Variants in TMED3 observed in about 807,000 individuals in gnomAD.
The protein encoded by TMED3 is transmembrane emp24 domain-containing protein 3.
TMED3 carries 9 observed loss-of-function variants against 15.0 expected under a neutral mutation model. The ratio of observed to expected loss-of-function variants is 0.60; its 90% confidence interval spans 0.36 to 1.04. TMED3 has a LOEUF of 1.04. TMED3 is among the 50% of genes least tolerant of loss of function. TMED3 has a pLI of 0.01. For missense variants in TMED3, 267 were observed against 278.9 expected, an observed-to-expected ratio of 0.96 and a Z score of 0.30; for synonymous variants, 117 against 121.4, an observed-to-expected ratio of 0.96 and a Z score of 0.24.
In TMED3 at chr15:79,380,801, A is replaced by G. The variant is rs531158362; in HGVS notation, c.418-30599A>G. On this transcript the variant is annotated intron_variant, in intron 2 of 2. Coordinates refer to the TMED3 transcript ENST00000424155. The stretch of plus-strand genomic sequence containing the variant: ...CGATGTCTCACTTAGCCTCACAGAA[A>G]TATCTCCCAGACCTGCAGACACAGA... 2.9e-3 allele frequency among the ~76,000 whole-genome samples: 447 copies of G among 152,168 alleles called. 2 individuals are homozygous for G. Among genetic ancestry groups the G allele is most frequent in the Non-Finnish European group, 4.9e-3 (332 of 68,010 alleles).
chr15:79,321,040 CT>C (rs2058764246), intron 2 of TMED3, among the ~76,000 whole-genome samples: 1 of 152,192 alleles, frequency 6.6e-6, no homozygotes, highest in African/African-American at 2.4e-5. Flanking sequence ...AAGTGGTCAC[CT>C]CCACCTTCAA....
chr15:79,333,024 G>A (rs2058815188), intron 2 of TMED3, among the ~76,000 whole-genome samples: 1 of 152,178 alleles, frequency 6.6e-6, no homozygotes, highest in Non-Finnish European at 1.5e-5. Flanking sequence ...TCTGTGCTTT[G>A]ACATTTGCAT....
intron 2 of TMED3, among the ~76,000 whole-genome samples, chr15:79,346,716 A>G (rs2903064): frequency 1.1e-4 from 17 of 152,314 alleles, no homozygotes; most frequent in African/African-American, 3.8e-4. Flanking sequence ...GAAGGGGTCC[A>G]GTTTCAATCT....
intron 2 of TMED3, 22 bp from the exon 3 acceptor site, chr15:79,321,956 C>T (rs201848958): frequency 1.2e-6 from 2 of 1,611,218 alleles, no homozygotes; most frequent in South Asian, 1.1e-5. Flanking sequence ...AGCAGTGTGA[C>T]TGCTTTTCTC....
chr15:79,408,340 G>T (rs542662447), intron 2 of TMED3, among the ~76,000 whole-genome samples: 1 of 152,200 alleles, frequency 6.6e-6, no homozygotes, highest in Non-Finnish European at 1.5e-5. Flanking sequence ...CCCATCGGAC[G>T]TATGAGTCAC....
chr15:79,400,193 G>A (rs1893815872), intron 2 of TMED3, among the ~76,000 whole-genome samples: 2 of 152,176 alleles, frequency 1.3e-5, no homozygotes, highest in African/African-American at 4.8e-5. Context: ...ACTCCTCACA[G>A]CACTGGTCCC....
intron 2 of TMED3, among the ~76,000 whole-genome samples, chr15:79,355,671 T>TC (rs1595898223): frequency 6.6e-6 from 1 of 152,096 alleles, no homozygotes; most frequent in African/African-American, 2.4e-5. Flanking sequence ...GAAAAGGGGC[T>TC]CCAGTCCTCA....
chr15:79,383,758 G>A (rs1893580130), intron 2 of TMED3: 1 of 152,184 alleles, frequency 6.6e-6, no homozygotes, highest in Admixed American at 6.5e-5. Flanking sequence ...GTTGTCCAAG[G>A]ACCTCACCAT....
intron 2 of TMED3, among the ~76,000 whole-genome samples, chr15:79,360,610 C>T (rs1024470028): frequency 1.2e-4 from 19 of 152,140 alleles, no homozygotes; most frequent in South Asian, 2.1e-4. Context: ...CTTTACATAT[C>T]GTTAGACCGC....
At chr15:79,319,672 C>T (rs183619084) in intron 2 of TMED3, among the ~76,000 whole-genome samples, 335 of 152,202 alleles carry the variant, frequency 2.2e-3, no homozygotes, top group Non-Finnish European at 4.0e-3. Flanking sequence ...TGCCAGGCTG[C>T]GCTGATACTT....
chr15:79,390,781 G>T (rs1893686251), intron 2 of TMED3, among the ~76,000 whole-genome samples: 1 of 151,678 alleles, frequency 6.6e-6, no homozygotes, highest in Non-Finnish European at 1.5e-5. Context: ...GTCTGTTCAG[G>T]GTATCTATTT....
At chr15:79,369,177 T>C (rs897788075) in intron 2 of TMED3, among the ~76,000 whole-genome samples, 1 of 152,030 alleles carries the variant, frequency 6.6e-6, no homozygotes, top group Non-Finnish European at 1.5e-5. Context: ...TTCGTCTAAC[T>C]ATGTTCTCCA....
At chr15:79,383,092 C>T (rs1893564632) in intron 2 of TMED3, 2 of 1,468,760 alleles carry the variant, frequency 1.4e-6, no homozygotes, top group Non-Finnish European at 1.8e-6. Context: ...TGGCTCTTTG[C>T]CTGTAGATCG....
At chr15:79,380,252 G>A (rs28469036) in intron 2 of TMED3, among the ~76,000 whole-genome samples, 27,974 of 151,622 alleles carry the variant, frequency 0.18, 3,132 homozygotes, top group African/African-American at 0.31. Flanking sequence ...TCGGGAGGCT[G>A]AGGCAGGAGA....
intron 2 of TMED3, among the ~76,000 whole-genome samples, chr15:79,379,029 A>G (rs1247714494): frequency 6.6e-6 from 1 of 152,192 alleles, no homozygotes; most frequent in African/African-American, 2.4e-5. Flanking sequence ...AAAACACCTT[A>G]TTTTCAAATG....
intron 2 of TMED3, among the ~76,000 whole-genome samples, chr15:79,381,303 C>G (rs573628317): frequency 1.3e-5 from 2 of 152,252 alleles, no homozygotes; most frequent in South Asian, 4.1e-4. Context: ...GAACCTGAGC[C>G]AAGGCAGAGT....
chr15:79,330,210 A>T (rs988345897), intron 2 of TMED3, among the ~76,000 whole-genome samples: 3 of 152,272 alleles, frequency 2.0e-5, no homozygotes, highest in African/African-American at 7.2e-5. Context: ...ATTAGGTAAG[A>T]TAAAGAAATA....
chr15:79,341,234 C>G (rs1218417979), intron 2 of TMED3, among the ~76,000 whole-genome samples: 2 of 112 alleles, frequency 0.018, no homozygotes, highest in Non-Finnish European at 0.043. Context: ...AGAAAGAAAG[C>G]CAGCAGGGGA....
rs1385660105 is a variant in TMED3 at position 79,313,786 on chromosome 15, C to G, written c.198C>G (p.Asp66Glu). ...TCACTGGAGGCCACTACGATGTTGACTGCTATGTAGAGGACCCCCAGGGGA... is the reference window on the plus strand; with the variant it reads ...TCACTGGAGGCCACTACGATGTTGAGTGCTATGTAGAGGACCCCCAGGGGA... ...QVITGGHYDV[D>E]CYVEDPQGNT... is the part of the protein sequence containing the mutation. Residue 66 changes from aspartate (D) to glutamate (E), a missense_variant, in exon 2 of 3, where the codon GAC becomes GAG. Coordinates refer to ENST00000299705, the MANE Select transcript of TMED3 (RefSeq NM_007364.4). 6.2e-7 allele frequency: 1 copy of G among 1,614,198 alleles called. No individual in the cohort carries two copies. Among genetic ancestry groups the G allele is most frequent in the South Asian group, 1.1e-5 (1 of 91,088 alleles).
Sources: allele counts gnomAD v4.1 joint callset (sites outside exome capture counted in the v4.1 genomes callset), GRCh38; gene constraint gnomAD v4.1.1; transcripts MANE v1.5; gene names NCBI Gene and HGNC (gene_info 2026-07-23, HGNC 2026-07-21).